Variants in DGKK observed in about 807,000 individuals in gnomAD.
DGKK encodes 142 kDa diacylglycerol kinase.
A neutral mutation model predicts 92.2 loss-of-function variants in DGKK; 35 were observed. The observed-to-expected ratio is 0.38, with a 90% confidence interval of 0.29 to 0.50. The LOEUF (loss-of-function observed/expected upper bound fraction) is 0.50. DGKK is among the 20% of genes least tolerant of loss of function. DGKK has a pLI of 0.92. For synonymous variants in DGKK, 368 were observed against 360.6 expected, an observed-to-expected ratio of 1.02 and a Z score of -0.23; for missense variants, 910 against 992.2, an observed-to-expected ratio of 0.92 and a Z score of 1.11.
Position 50,470,675 on chromosome X carries a change from C to G in DGKK, c.4G>C (p.Asp2His), listed in dbSNP as rs1449970019. 8.2e-6 allele frequency: 9 copies of G among 1,103,434 alleles called. No individual in the cohort carries two copies. In the East Asian group the frequency reaches 2.6e-4, roughly 32 times the overall value. 90.9% of individuals were successfully genotyped at this position (1,103,434 alleles called of 1,213,427 possible). A position where few individuals can be genotyped will look rare whatever the true frequency, so the allele number is the denominator to read the frequency against. MDRGAAAAQGTA... is the reference protein window; with the variant it reads MHRGAAAAQGTA... The stretch of plus-strand genomic sequence containing the variant: ...CCCTGGGCTGCGGCAGCTCCGCGGT[C>G]CATGGCCGCACACCGCTTCAGGTCT... The change falls in exon 1 of 28, where the codon GAC (aspartate) becomes CAC (histidine). Residue 2 changes from aspartate (D) to histidine (H), a missense_variant. Transcript: ENST00000611977.
chrX:50,410,346 A>G (rs1241598534), intron 4 of DGKK, among the ~76,000 whole-genome samples: 1 of 112,167 alleles, frequency 8.9e-6, no homozygotes, highest in Non-Finnish European at 1.9e-5. Context: ...TGGACCGGCC[A>G]AGAACATGTT....
At position 50,385,787 on chromosome X, in the gene DGKK, G is replaced by A. The variant is rs145694855; in HGVS notation, c.2347+571C>T. On this transcript the variant is annotated intron_variant, in intron 15 of 27. Transcript: ENST00000611977. ...CTCAAAGTATTGTGGGAAAGAAGTGGTCAGCAAAACATTCAATGAAGAAAC... is the reference window on the plus strand; with the variant it reads ...CTCAAAGTATTGTGGGAAAGAAGTGATCAGCAAAACATTCAATGAAGAAAC... Among the ~76,000 whole-genome samples the A allele has an allele frequency of 6.7e-3, 744 of 111,780 alleles. 5 individuals carry two copies. The highest frequency in any genetic ancestry group is 0.023 in the African/African-American group (696 of 30,730).
intron 8 of DGKK, among the ~76,000 whole-genome samples, chrX:50,400,691 G>A (rs1557226524): frequency 9.0e-6 from 1 of 111,688 alleles, no homozygotes; most frequent in Non-Finnish European, 1.9e-5. Context: ...TTAAAAGTAA[G>A]ATAACCTGGC....
intron 1 of DGKK, among the ~76,000 whole-genome samples, chrX:50,455,030 G>A (rs1265566212): frequency 5.4e-5 from 6 of 111,830 alleles, no homozygotes; most frequent in Non-Finnish European, 1.1e-4. Flanking sequence ...TGCAGAATTT[G>A]CATCCATTTT....
rs781879333 is a variant in DGKK, at chrX:50,379,720, G to A, written c.2769C>T (p.Thr923=). ...TGCCTTGCAGGTTTGGCAAGGAGATGGTTTCTCCATCACACTGAAAGAAAA... is the reference window on the plus strand; with the variant it reads ...TGCCTTGCAGGTTTGGCAAGGAGATAGTTTCTCCATCACACTGAAAGAAAA... ...ERVHLECDGE[T]ISLPNLQGIV... is the part of the protein sequence containing the mutation. Residue 923 remains threonine (T), a synonymous_variant, in exon 20 of 28, where the codon ACC becomes ACT. Transcript: ENST00000611977. 1.7e-6 allele frequency: 2 copies of A among 1,206,474 alleles called. No individual in the cohort carries two copies. The highest frequency in any genetic ancestry group is 3.5e-5 in the African/African-American group (2 of 57,730).
rs782137522 is a variant in DGKK, at chrX:50,467,106, T to A, written c.645+2928A>T. ...GTCTACTTCATATAAGCCCCATCCC[T>A]CCCCCAAGAGAGTTATAGCATTGCT... On this transcript the variant is annotated intron_variant, in intron 1 of 27. Coordinates refer to ENST00000611977, the MANE Select transcript of DGKK (RefSeq NM_001013742.4). Among the ~76,000 whole-genome samples, 16 of 111,853 alleles carry A rather than the reference T, an allele frequency of 1.4e-4. No homozygotes were observed. The East Asian group carries it at 4.5e-3, about 32-fold the overall frequency.
rs1569544758 is a variant in DGKK, at chrX:50,422,406, C to T, written c.837+40G>A. 3.7e-6 allele frequency: 4 copies of T among 1,085,620 alleles called. 1 individual carries two copies. The South Asian group carries it at 8.7e-5, about 24-fold the overall frequency. 89.5% of individuals were successfully genotyped at this position (1,085,620 alleles called of 1,213,427 possible). On this transcript the variant is annotated intron_variant, in intron 3 of 27. Coordinates refer to ENST00000611977, the MANE Select transcript of DGKK (RefSeq NM_001013742.4). ...ATGGAAAGCTATCTTCCCAGCTAGCCCCTACCCCTGCCCATTCAGTCATTC... is the reference window on the plus strand; with the variant it reads ...ATGGAAAGCTATCTTCCCAGCTAGCTCCTACCCCTGCCCATTCAGTCATTC...
At chrX:50,403,961 A>G in intron 5 of DGKK, 88 bp downstream of exon 5, 1 of 1,065,624 alleles carries the variant, frequency 9.4e-7, no homozygotes, top group Non-Finnish European at 1.3e-6. Context: ...GTGACCTAGT[A>G]TGAGTTAATG....
rs1557224248 is a variant in DGKK at position 50,379,773 on chromosome X, G to T, written c.2755-39C>A. 1.6e-5 allele frequency: 18 copies of T among 1,095,028 alleles called. No homozygotes were observed. The South Asian group carries it at 2.2e-4, about 14-fold the overall frequency. The allele number at this position is 1,095,028 out of a possible 1,213,427, so 90.2% of individuals were successfully genotyped here. A position where few individuals can be genotyped will look rare whatever the true frequency, so the allele number is the denominator to read the frequency against. ...GTAGCTCTCATTAGCTGGATCTTTAGATAGCAACATGAAGGAACATTTACA... is the reference window on the plus strand; with the variant it reads ...GTAGCTCTCATTAGCTGGATCTTTATATAGCAACATGAAGGAACATTTACA... On this transcript the variant is annotated intron_variant, in intron 19 of 27. Transcript: ENST00000611977.
chrX:50,371,250 G>C (rs1924117358), intron 26 of DGKK, among the ~76,000 whole-genome samples: 1 of 111,751 alleles, frequency 8.9e-6, no homozygotes, highest in Non-Finnish European at 1.9e-5. Context: ...ACGGAAAGCA[G>C]CAGGGAGAGG....
chrX:50,397,873 T>C (rs1924894754), intron 8 of DGKK, among the ~76,000 whole-genome samples: 1 of 111,317 alleles, frequency 9.0e-6, no homozygotes, highest in Non-Finnish European at 1.9e-5. Context: ...TATAATGTCA[T>C]GTGTTAGGTG....
intron 1 of DGKK, among the ~76,000 whole-genome samples, chrX:50,434,079 C>T (rs1241383388): frequency 1.8e-5 from 2 of 110,978 alleles, no homozygotes; most frequent in African/African-American, 6.6e-5. Context: ...GGACACTTCC[C>T]TCACTGCTTC....
chrX:50,380,543 A>G (rs1924389356), intron 18 of DGKK, among the ~76,000 whole-genome samples: 1 of 111,327 alleles, frequency 9.0e-6, no homozygotes, highest in Non-Finnish European at 1.9e-5. Context: ...TACTTTTCCA[A>G]ACACCAGATC....
Position 50,403,960 on chromosome X carries a change from T to C in DGKK, c.1078+89A>G, listed in dbSNP as rs1453059189. ...CCTCACACCAGAGTCAGTGACCTAG[T>C]ATGAGTTAATGATACTAAAGCCACA... On this transcript the variant is annotated intron_variant, in intron 5 of 27. Coordinates refer to ENST00000611977, the MANE Select transcript of DGKK (RefSeq NM_001013742.4). The C allele has an allele frequency of 5.6e-6, 6 of 1,070,910 alleles. No homozygotes were observed. In the East Asian group the frequency reaches 1.8e-4, roughly 33 times the overall value. 88.3% of individuals were successfully genotyped at this position (1,070,910 alleles called of 1,213,427 possible).
At position 50,388,603 on chromosome X, in the gene DGKK, G is replaced by T. The variant is rs782573415; in HGVS notation, c.1942C>A (p.His648Asn). 2.3e-5 allele frequency: 28 copies of T among 1,201,979 alleles called. No homozygotes were observed. Among genetic ancestry groups the T allele is most frequent in the Non-Finnish European group, 3.0e-5 (27 of 890,649 alleles). ...VPRFEAAAIQHLESAATELNK... is the reference protein window; with the variant it reads ...VPRFEAAAIQNLESAATELNK... ...AACTCGGTGGCTGCAGATTCTAAGT[G>T]TTGGATGGCAGCAGCCTAGGGGCAA... Residue 648 changes from histidine (H) to asparagine (N), a missense_variant, in exon 13 of 28, where the codon CAC (histidine) becomes AAC (asparagine). His to Asn is a moderately conservative substitution (Grantham distance 68). Transcript: ENST00000611977.
chrX:50,449,115 C>T (rs1015506846), intron 1 of DGKK, among the ~76,000 whole-genome samples: 2 of 111,559 alleles, frequency 1.8e-5, no homozygotes, highest in Admixed American at 1.9e-4. Flanking sequence ...GCAGGAAGAT[C>T]AAGCTCTGGA....
intron 1 of DGKK, among the ~76,000 whole-genome samples, chrX:50,444,208 C>T (rs12011426): frequency 0.45 from 50,103 of 110,491 alleles, 9,731 homozygotes; most frequent in African/African-American, 0.76. Flanking sequence ...TATGGTACAT[C>T]CATGTTTAAT....
At chrX:50,415,037 G>T (rs1394697520) in intron 4 of DGKK, among the ~76,000 whole-genome samples, 1 of 112,139 alleles carries the variant, frequency 8.9e-6, no homozygotes, top group African/African-American at 3.2e-5. Context: ...TGACAAGGCT[G>T]TCTCCACGTC....
chrX:50,457,974 C>T (rs904883256), intron 1 of DGKK, among the ~76,000 whole-genome samples: 3 of 110,185 alleles, frequency 2.7e-5, no homozygotes, highest in Non-Finnish European at 3.8e-5. Flanking sequence ...GCCATGTTTC[C>T]GAGAAAGTAT....
Sources: allele counts gnomAD v4.1 joint callset (sites outside exome capture counted in the v4.1 genomes callset), GRCh38; gene constraint gnomAD v4.1.1; transcripts MANE v1.5; gene names NCBI Gene and HGNC (gene_info 2026-07-23, HGNC 2026-07-21).